The following PPARGC1A variants were observed in gnomAD, a reference collection of about 807,000 sequenced individuals.
PPARGC1A encodes the protein PPARG coactivator 1 alpha.
In PPARGC1A, 25 loss-of-function variants were observed where a neutral mutation model predicts 88.7. The observed-to-expected ratio is 0.28, with a 90% CI of 0.21 to 0.39. The LOEUF is 0.39. Ranked by LOEUF, PPARGC1A falls within the 10% of genes least tolerant of loss-of-function variation. The pLI, the probability that PPARGC1A is intolerant of heterozygous loss-of-function variation, is 1.00. For missense variants in PPARGC1A, 880 were observed against 968.7 expected, an observed-to-expected ratio of 0.91 and a Z score of 1.22; for synonymous variants, 363 against 355.6, an observed-to-expected ratio of 1.02 and a Z score of -0.24.
the PPARGC1A span, among the ~76,000 whole-genome samples, chr4:23,983,744 T>C: frequency 1.2e-4 from 19 of 152,128 alleles, no homozygotes; most frequent in Admixed American, 5.2e-4. Flanking sequence ...GATCCTTCAA[T>C]GGCTTTCCAG....
the PPARGC1A span, among the ~76,000 whole-genome samples, chr4:24,206,199 A>G: frequency 6.6e-6 from 1 of 152,226 alleles, no homozygotes; most frequent in Admixed American, 6.5e-5. Flanking sequence ...TTAGTGAAGA[A>G]GCTACGTTAA....
chr4:24,101,693 A>G, the PPARGC1A span, among the ~76,000 whole-genome samples: 4 of 152,246 alleles, frequency 2.6e-5, no homozygotes, highest in Non-Finnish European at 5.9e-5. Flanking sequence ...CAAGTCTGAA[A>G]CTGACATCAT....
the PPARGC1A span, among the ~76,000 whole-genome samples, chr4:24,103,049 G>C: frequency 6.6e-6 from 1 of 152,302 alleles, no homozygotes; most frequent in East Asian, 1.9e-4. Context: ...GCAATGATAA[G>C]CTCAGAGGCT....
At chr4:24,125,967 C>T in the PPARGC1A span, among the ~76,000 whole-genome samples, 3 of 152,304 alleles carry the variant, frequency 2.0e-5, no homozygotes, top group Non-Finnish European at 2.9e-5. Context: ...TTTTCTTAAA[C>T]TCCTGGCGGG....
chr4:23,893,790 A>C (rs1878949), upstream of PPARGC1A, among the ~76,000 whole-genome samples: 36,763 of 152,052 alleles, frequency 0.24, 5,946 homozygotes, highest in African/African-American at 0.45. Flanking sequence ...GAATGTTTCC[A>C]TATACACTAT....
chr4:24,073,602 G>T, the PPARGC1A span, among the ~76,000 whole-genome samples: 6 of 152,072 alleles, frequency 3.9e-5, no homozygotes, highest in Non-Finnish European at 7.4e-5. Context: ...GCGAGATGAT[G>T]GTGACAATGA....
the PPARGC1A span, among the ~76,000 whole-genome samples, chr4:24,311,717 C>T: frequency 3.3e-5 from 5 of 151,284 alleles, no homozygotes; most frequent in East Asian, 2.0e-4. Flanking sequence ...GGGACTGATT[C>T]GGTAAGCTGG....
chr4:24,223,017 C>T, the PPARGC1A span, among the ~76,000 whole-genome samples: 15 of 152,244 alleles, frequency 9.9e-5, no homozygotes, highest in African/African-American at 3.4e-4. Context: ...GGCACATATA[C>T]TCAAGCATAC....
At chr4:24,113,416 T>C in the PPARGC1A span, among the ~76,000 whole-genome samples, 1 of 152,210 alleles carries the variant, frequency 6.6e-6, no homozygotes, top group South Asian at 2.1e-4. Flanking sequence ...ACAAACTGTC[T>C]TATAAATTGC....
At position 23,890,023 on chromosome 4, in the gene PPARGC1A, T is replaced by C; in HGVS notation, c.-66A>G. ...ATCCACAGTGACACAGAGCACACAC[T>C]CATGCAGGCAACCAGCCCCTTACTG... On this transcript the variant is annotated 5_prime_UTR_variant, in exon 1 of 13. Transcript: ENST00000264867. The C allele has an allele frequency of 6.2e-7, 1 of 1,605,292 alleles. No individual in the cohort carries two copies. The highest frequency in any genetic ancestry group is 8.5e-7 in the Non-Finnish European group (1 of 1,175,798).
chr4:24,369,731 C>T, the PPARGC1A span, among the ~76,000 whole-genome samples: 1 of 152,214 alleles, frequency 6.6e-6, no homozygotes, highest in Non-Finnish European at 1.5e-5. Flanking sequence ...GGCATATTTG[C>T]TGTTGCATAA....
At position 23,884,841 on chromosome 4, in the gene PPARGC1A, C is replaced by T. The variant is rs1382820228; in HGVS notation, c.145G>A (p.Asp49Asn). 6 of 1,613,886 alleles carry T rather than the reference C, an allele frequency of 3.7e-6. No individual in the cohort carries two copies. The South Asian group carries it at 6.6e-5, about 18-fold the overall frequency. The change falls in exon 2 of 13, where the codon GAC becomes AAC. Residue 49 changes from aspartate to asparagine, a missense_variant. Asp to Asn is a conservative substitution (Grantham distance 23, BLOSUM62 1). Coordinates refer to ENST00000264867, the MANE Select transcript of PPARGC1A (RefSeq NM_013261.5). ...CACTTGAGTCCACCCAGAAAGCTGT[C>T]TGTATCCAAGTCGTTCACATCTAGT... ...SELDVNDLDTDSFLGGLKWCS... is the reference protein window; with the variant it reads ...SELDVNDLDTNSFLGGLKWCS...
At chr4:23,962,956 C>G in the PPARGC1A span, among the ~76,000 whole-genome samples, 2 of 152,276 alleles carry the variant, frequency 1.3e-5, no homozygotes, top group East Asian at 3.9e-4. Context: ...CAGCACAACA[C>G]TTAGCATGCT....
the PPARGC1A span, among the ~76,000 whole-genome samples, chr4:24,413,904 T>C: frequency 6.6e-6 from 1 of 152,196 alleles, no homozygotes; most frequent in Non-Finnish European, 1.5e-5. Flanking sequence ...TAAATGTCTT[T>C]AATCCTTACA....
chr4:24,288,484 C>A, the PPARGC1A span, among the ~76,000 whole-genome samples: 3 of 152,170 alleles, frequency 2.0e-5, no homozygotes, highest in African/African-American at 7.2e-5. Flanking sequence ...CTATGGAGTT[C>A]AAGATGAAAG....
At chr4:24,150,660 T>C in the PPARGC1A span, among the ~76,000 whole-genome samples, 1 of 152,076 alleles carries the variant, frequency 6.6e-6, no homozygotes. Flanking sequence ...ACAATAGTAA[T>C]AGCGATCTTT....
At chr4:24,033,067 G>A in the PPARGC1A span, among the ~76,000 whole-genome samples, 1 of 152,132 alleles carries the variant, frequency 6.6e-6, no homozygotes, top group Non-Finnish European at 1.5e-5. Flanking sequence ...AGAGGATGTG[G>A]TCCAAAGTGA....
At chr4:23,991,041 A>C in the PPARGC1A span, among the ~76,000 whole-genome samples, 1 of 152,056 alleles carries the variant, frequency 6.6e-6, no homozygotes, top group Non-Finnish European at 1.5e-5. Context: ...TCACATATCC[A>C]CTTAAAATGA....
At chr4:23,840,726 G>C (rs1321501448) in intron 2 of PPARGC1A, among the ~76,000 whole-genome samples, 1 of 152,140 alleles carries the variant, frequency 6.6e-6, no homozygotes, top group Admixed American at 6.6e-5. Context: ...AAATGAGTTA[G>C]AATGGTAACT....
Sources: gnomAD v4.1 joint callset for allele counts (sites outside exome capture counted in the v4.1 genomes callset) on GRCh38, gnomAD v4.1.1 for gene constraint, MANE v1.5 for transcripts, NCBI Gene and HGNC (gene_info 2026-07-23, HGNC 2026-07-21) for gene names.